The following PXK variants were observed in gnomAD, a reference collection of about 807,000 sequenced individuals.
PXK encodes PX domain containing serine/threonine kinase like, also known as PX domain-containing protein kinase-like protein.
In PXK, 35 loss-of-function variants were observed where a neutral mutation model predicts 84.7. The observed-to-expected ratio is 0.41, with a 90% CI of 0.32 to 0.55. PXK has a LOEUF of 0.55. Among genes scored for constraint, PXK ranks in the 20% least tolerant of loss-of-function variants. PXK has a pLI of 0.21. For synonymous variants in PXK, 253 were observed against 260.8 expected (o/e 0.97, Z 0.29); for missense variants, 634 against 699.7 (o/e 0.91, Z 1.06).
chr3:58,357,074 A>G (rs1173858035), intron 1 of PXK, among the ~76,000 whole-genome samples: 4 of 150,634 alleles, frequency 2.7e-5, no homozygotes, highest in East Asian at 4.1e-4. Flanking sequence ...AGGTCAAGAG[A>G]TGGAGACCAT....
chr3:58,403,886 C>T lies in PXK; in HGVS notation c.1206C>T (p.Thr402=). 2.0e-6 allele frequency: 3 copies of T among 1,538,456 alleles called. No individual in the cohort carries two copies. Among genetic ancestry groups the T allele is most frequent in the Middle Eastern group, 1.7e-4 (1 of 5,780 alleles). ...QMPLFSDVLL[T]TSEKPQFKIP... ...GATTATTCAGCGATGTTTTACTAAC[C>T]ACTTCTGAAAAACCACAGTTTAAGG... The change falls in exon 13 of 18, where the codon ACC becomes ACT. Residue 402 remains threonine (T), a synonymous_variant. Transcript: ENST00000356151.
chr3:58,417,003 C>A (rs891046736), intron 17 of PXK, among the ~76,000 whole-genome samples: 37 of 152,310 alleles, frequency 2.4e-4, no homozygotes, highest in African/African-American at 8.9e-4. Context: ...CTCCTGGGCT[C>A]AAGTGATCCT....
At chr3:58,349,360 T>C (rs956300008) in intron 1 of PXK, among the ~76,000 whole-genome samples, 1 of 149,732 alleles carries the variant, frequency 6.7e-6, no homozygotes, top group Non-Finnish European at 1.5e-5. Context: ...TAAATATCTT[T>C]TTTTTTTTTT....
chr3:58,400,705 G>A lies in PXK; in HGVS notation c.1181+1328G>A, dbSNP rs1453135087. Among the ~76,000 whole-genome samples, 3 of 152,184 alleles carry A rather than the reference G, an allele frequency of 2.0e-5. No homozygotes were observed. Among genetic ancestry groups the A allele is most frequent in the Non-Finnish European group, 4.4e-5 (3 of 68,026 alleles). The stretch of plus-strand genomic sequence containing the variant: ...GCGGGTGGATCACTTGAGGTCAGGA[G>A]TTCAAGACCATCCTGGCCAACGTGT... On this transcript the variant is annotated intron_variant, in intron 12 of 17. Coordinates refer to ENST00000356151, the MANE Select transcript of PXK (RefSeq NM_017771.5). The surrounding 1 kb of genome is among the most constrained non-coding windows in gnomAD (Gnocchi z 4.0).
chr3:58,341,942 G>T (rs1216162661), intron 1 of PXK, among the ~76,000 whole-genome samples: 1 of 152,068 alleles, frequency 6.6e-6, no homozygotes, highest in African/African-American at 2.4e-5. Context: ...GACCTCAGGT[G>T]ATCTGGCTGC....
chr3:58,355,710 G>A (rs2098062130), intron 1 of PXK, among the ~76,000 whole-genome samples: 2 of 152,188 alleles, frequency 1.3e-5, no homozygotes, highest in East Asian at 3.8e-4. Flanking sequence ...AATTCCAAAG[G>A]TGTGGGAATA....
intron 1 of PXK, among the ~76,000 whole-genome samples, chr3:58,344,804 G>A (rs2097788582): frequency 6.6e-6 from 1 of 152,136 alleles, no homozygotes; most frequent in South Asian, 2.1e-4. Context: ...CTCCAGCCTG[G>A]GCAACAAGAG....
At position 58,354,581 on chromosome 3, in the gene PXK, G is replaced by T. The variant is rs552158911; in HGVS notation, c.103-11293G>T. Reference sequence around the variant, plus strand: ...CCTGCCTCAGCCTCCTGAGTAGCTGGGATTACAGGCGCCCACCATCGTGCC... The same window carrying T: ...CCTGCCTCAGCCTCCTGAGTAGCTGTGATTACAGGCGCCCACCATCGTGCC... On this transcript the variant is annotated intron_variant, in intron 1 of 17. Coordinates refer to ENST00000356151, the MANE Select transcript of PXK (RefSeq NM_017771.5). Among the ~76,000 whole-genome samples the T allele has an allele frequency of 2.0e-5, 3 of 151,796 alleles. No homozygotes were observed. The South Asian group carries it at 6.3e-4, about 32-fold the overall frequency.
At chr3:58,357,563 C>G (rs2098112554) in intron 1 of PXK, among the ~76,000 whole-genome samples, 1 of 152,222 alleles carries the variant, frequency 6.6e-6, no homozygotes, top group Admixed American at 6.5e-5. Context: ...CACCATACTA[C>G]AAACACATGA....
intron 1 of PXK, among the ~76,000 whole-genome samples, chr3:58,347,559 A>G (rs1458431759): frequency 6.6e-6 from 1 of 152,104 alleles, no homozygotes; most frequent in East Asian, 1.9e-4. Flanking sequence ...ATGATGTTAT[A>G]TGTTTCTTTT....
At chr3:58,422,410 C>T in intron 17 of PXK, 1 of 985,448 alleles carries the variant, frequency 1.0e-6, no homozygotes, top group African/African-American at 1.7e-5. Flanking sequence ...CCGGACTGCT[C>T]CAGCCTGCTG....
intron 7 of PXK, among the ~76,000 whole-genome samples, chr3:58,393,396 A>G (rs11130634): frequency 2.0e-5 from 3 of 151,914 alleles, no homozygotes; most frequent in African/African-American, 7.3e-5. Flanking sequence ...TCCCAGTCAA[A>G]CAGAAGTATG....
In PXK at chr3:58,399,241, G is replaced by T; in HGVS notation, c.1103-58G>T. The T allele has an allele frequency of 1.4e-6, 2 of 1,479,718 alleles. No homozygotes were observed. Among genetic ancestry groups the T allele is most frequent in the South Asian group, 1.1e-5 (1 of 87,814 alleles). 91.7% of individuals were successfully genotyped at this position (1,479,718 alleles called of 1,614,324 possible). On this transcript the variant is annotated intron_variant, in intron 11 of 17. Transcript: ENST00000356151. This position sits in a 1 kb window ranked among gnomAD's most constrained non-coding sequence, Gnocchi z 4.3. ...CAAAGTGGTGTTAAACTTTTCATCA[G>T]CAAGTGGATTTGCCAGCGTGTTCTG... is the stretch of plus-strand genomic sequence containing the variant.
intron 1 of PXK, among the ~76,000 whole-genome samples, chr3:58,345,292 A>C (rs2097795401): frequency 6.6e-6 from 1 of 152,182 alleles, no homozygotes; most frequent in Non-Finnish European, 1.5e-5. Context: ...AGCCTTTTCT[A>C]ACTTGCAAAC....
Position 58,393,176 on chromosome 3 carries a change from G to A in PXK, c.615+1329G>A, listed in dbSNP as rs559543342. 3.9e-4 allele frequency among the ~76,000 whole-genome samples: 59 copies of A among 152,062 alleles called. 1 individual carries two copies. In the South Asian group the frequency reaches 0.012, roughly 30 times the overall value. On this transcript the variant is annotated intron_variant, in intron 7 of 17. Transcript: ENST00000356151. ...ATCCTGGCTAACATGGTGAAACCCT[G>A]TCTCTACTAAAAATAGAAAAAATTA...
At position 58,409,749 on chromosome 3, in the gene PXK, A is replaced by G; in HGVS notation, c.1395+131A>G. On this transcript the variant is annotated intron_variant, in intron 15 of 17. Coordinates refer to ENST00000356151, the MANE Select transcript of PXK (RefSeq NM_017771.5). This position sits in a 1 kb window ranked among gnomAD's most constrained non-coding sequence, Gnocchi z 4.2. ...CCTTGAAAGCTAAGACTATTTCCAG[A>G]TGACTGGGGTGCAGTTTTTTTGGGG... The G allele has an allele frequency of 1.3e-6, 1 of 745,594 alleles. No homozygotes were observed. Among genetic ancestry groups the G allele is most frequent in the Middle Eastern group, 2.4e-4 (1 of 4,184 alleles). 46.2% of individuals were successfully genotyped at this position (745,594 alleles called of 1,614,324 possible).
In PXK at chr3:58,425,798, A is replaced by G. The variant is rs1310435144; in HGVS notation, c.*838A>G. On this transcript the variant is annotated 3_prime_UTR_variant, in exon 18 of 18. Coordinates refer to ENST00000356151, the MANE Select transcript of PXK (RefSeq NM_017771.5). The stretch of plus-strand genomic sequence containing the variant: ...TGATTTTTGAAAGATTTATCTAAAT[A>G]TATCAATATAGCATCTCTTTAATGT... 1 of 152,226 alleles carries G rather than the reference A, an allele frequency of 6.6e-6. No homozygotes were observed. Among genetic ancestry groups the G allele is most frequent in the Non-Finnish European group, 1.5e-5 (1 of 68,048 alleles). The allele number at this position is 152,226 out of a possible 1,614,324, so 9.4% of individuals were successfully genotyped here. A position where few individuals can be genotyped will look rare whatever the true frequency, so the allele number is the denominator to read the frequency against.
At position 58,333,715 on chromosome 3, in the gene PXK, T is replaced by G; in HGVS notation, c.102+625T>G. 2.2e-6 allele frequency: 1 copy of G among 448,306 alleles called. No homozygotes were observed. The highest frequency in any genetic ancestry group is 1.6e-5 in the South Asian group (1 of 63,754). The allele number at this position is 448,306 out of a possible 1,614,324, so 27.8% of individuals were successfully genotyped here. A position where few individuals can be genotyped will look rare whatever the true frequency, so the allele number is the denominator to read the frequency against. ...GTATGAATGTGCTTCTCTAACTTGC[T>G]CTTTAGTGGGCAGTGGTAGCATTCA... On this transcript the variant is annotated intron_variant, in intron 1 of 17. Coordinates refer to ENST00000356151, the MANE Select transcript of PXK (RefSeq NM_017771.5). The surrounding 1 kb of genome is among the most constrained non-coding windows in gnomAD (Gnocchi z 5.4).
rs4518147 is a variant in PXK at position 58,407,847 on chromosome 3, T to A, written c.1231-1077T>A. Among the ~76,000 whole-genome samples, 5 of 152,036 alleles carry A rather than the reference T, an allele frequency of 3.3e-5. No individual in the cohort carries two copies. The highest frequency in any genetic ancestry group is 7.3e-5 in the Non-Finnish European group (5 of 68,030). ...ATTGGGATTACAGGCGTGAGCCACC[T>A]TGCCCGGCTGCACCAAAGTTTTAAA... is the stretch of plus-strand genomic sequence containing the variant. On this transcript the variant is annotated intron_variant, in intron 13 of 17. Transcript: ENST00000356151. The surrounding 1 kb of genome is among the most constrained non-coding windows in gnomAD (Gnocchi z 4.3).
Sources: gnomAD v4.1 joint callset for allele counts (sites outside exome capture counted in the v4.1 genomes callset) on GRCh38, gnomAD v4.1.1 for gene constraint, Gnocchi (gnomAD v3.1) non-coding constraint, MANE v1.5 for transcripts, NCBI Gene and HGNC (gene_info 2026-07-23, HGNC 2026-07-21) for gene names.